Variants in ROBO1 observed in about 807,000 individuals in gnomAD.
ROBO1 encodes the protein roundabout guidance receptor 1, also known as roundabout homolog 1.
Under a neutral mutation model 195.9 loss-of-function variants are expected in ROBO1, and 149 were observed. The ratio of observed to expected loss-of-function variants is 0.76; its 90% confidence interval spans 0.67 to 0.87. ROBO1 has a LOEUF of 0.87. Ranked by LOEUF, ROBO1 falls within the 40% of genes least tolerant of loss-of-function variation. ROBO1 has a pLI of 0.00. For missense variants in ROBO1, 1,933 were observed against 2,068.3 expected, an observed-to-expected ratio of 0.93 and a Z score of 1.27; for synonymous variants, 816 against 733.2, an observed-to-expected ratio of 1.11 and a Z score of -1.82.
At chr3:78,669,748 A>G (rs1049966400) in intron 11 of ROBO1, among the ~76,000 whole-genome samples, 1 of 152,222 alleles carries the variant, frequency 6.6e-6, no homozygotes, top group African/African-American at 2.4e-5. Flanking sequence ...AAAATGATAC[A>G]GGTAAATATC....
intron 2 of ROBO1, among the ~76,000 whole-genome samples, chr3:79,560,343 T>C (rs1461946043): frequency 8.7e-6 from 1 of 115,496 alleles, no homozygotes; most frequent in African/African-American, 3.5e-5. Flanking sequence ...TTAGAACACA[T>C]GGACACAGGA....
At chr3:79,321,320 A>C (rs1421308111) in intron 2 of ROBO1, among the ~76,000 whole-genome samples, 1 of 152,178 alleles carries the variant, frequency 6.6e-6, no homozygotes, top group Non-Finnish European at 1.5e-5. Context: ...AAAATGCCTA[A>C]GTGATTAGTA....
chr3:79,033,539 A>T (rs2078331995), intron 3 of ROBO1, among the ~76,000 whole-genome samples: 1 of 152,170 alleles, frequency 6.6e-6, no homozygotes. Flanking sequence ...TACAGCAATT[A>T]ATCCACCTGG....
intron 1 of ROBO1, among the ~76,000 whole-genome samples, chr3:79,744,929 C>CAT (rs1205514152): frequency 1.3e-5 from 2 of 150,308 alleles, no homozygotes; most frequent in African/African-American, 2.5e-5. Flanking sequence ...TATATAAAAA[C>CAT]ATATATATAT....
chr3:79,500,678 G>A (rs1168321161), intron 2 of ROBO1, among the ~76,000 whole-genome samples: 1 of 152,174 alleles, frequency 6.6e-6, no homozygotes, highest in Non-Finnish European at 1.5e-5. Flanking sequence ...AAGTTGAGGA[G>A]GACAGAAAGG....
chr3:79,053,875 A>G (rs1476597645), intron 3 of ROBO1, among the ~76,000 whole-genome samples: 1 of 152,008 alleles, frequency 6.6e-6, no homozygotes, highest in South Asian at 2.1e-4. Flanking sequence ...GAACCTCCCA[A>G]CTTCCAAGGG....
chr3:78,816,770 C>G (rs571879280), intron 4 of ROBO1, among the ~76,000 whole-genome samples: 8 of 152,152 alleles, frequency 5.3e-5, no homozygotes, highest in African/African-American at 1.4e-4. Context: ...CCTGATGATG[C>G]GACTGAATTG....
intron 2 of ROBO1, among the ~76,000 whole-genome samples, chr3:79,466,695 A>G (rs528727890): frequency 1.3e-5 from 2 of 152,196 alleles, no homozygotes; most frequent in Non-Finnish European, 2.9e-5. Context: ...TGGTGGCATA[A>G]TGAGTGACTG....
chr3:79,420,588 C>A (rs183452166), intron 2 of ROBO1, among the ~76,000 whole-genome samples: 1 of 152,124 alleles, frequency 6.6e-6, no homozygotes, highest in African/African-American at 2.4e-5. Flanking sequence ...TTTGGCGATT[C>A]TCCCATGAAG....
At chr3:79,165,805 A>G (rs1183001082) in intron 2 of ROBO1, among the ~76,000 whole-genome samples, 4 of 152,218 alleles carry the variant, frequency 2.6e-5, no homozygotes, top group Non-Finnish European at 5.9e-5. Flanking sequence ...CCAACCCAAT[A>G]CTAATCTGGG....
intron 3 of ROBO1, among the ~76,000 whole-genome samples, chr3:79,055,980 A>G (rs1432358798): frequency 6.6e-6 from 1 of 152,086 alleles, no homozygotes. Flanking sequence ...GTTTCTAGTA[A>G]AAAAGAAATC....
intron 2 of ROBO1, among the ~76,000 whole-genome samples, chr3:79,465,627 T>C (rs1353001595): frequency 6.6e-6 from 1 of 152,170 alleles, no homozygotes; most frequent in East Asian, 1.9e-4. Context: ...AGTAAGATGG[T>C]TTACTAATTT....
chr3:79,582,613 T>G (rs1161523860), intron 2 of ROBO1, among the ~76,000 whole-genome samples: 1 of 152,030 alleles, frequency 6.6e-6, no homozygotes, highest in Non-Finnish European at 1.5e-5. Context: ...TTTACCACTT[T>G]TCTACTTGAA....
intron 3 of ROBO1, among the ~76,000 whole-genome samples, chr3:78,967,390 C>T (rs2076671137): frequency 6.9e-6 from 1 of 144,352 alleles, no homozygotes; most frequent in South Asian, 2.4e-4. Flanking sequence ...CCTATTCCTA[C>T]AATTCCAAGC....
chr3:79,025,882 T>G (rs898373126), intron 3 of ROBO1, among the ~76,000 whole-genome samples: 1 of 152,130 alleles, frequency 6.6e-6, no homozygotes, highest in Non-Finnish European at 1.5e-5. Context: ...GAAGACTCCT[T>G]TAGTTAGTGG....
chr3:79,368,770 G>A (rs145643999), intron 2 of ROBO1, among the ~76,000 whole-genome samples: 282 of 152,124 alleles, frequency 1.9e-3, no homozygotes, highest in African/African-American at 6.3e-3. Context: ...CCTTAAATCC[G>A]CTTGCACCTT....
At chr3:79,668,541 A>G (rs1946538614) in intron 1 of ROBO1, among the ~76,000 whole-genome samples, 1 of 151,822 alleles carries the variant, frequency 6.6e-6, no homozygotes, top group African/African-American at 2.4e-5. Flanking sequence ...CAGTCACTCA[A>G]TGCAATTCCT....
chr3:79,302,658 A>G (rs1273734291), intron 2 of ROBO1, among the ~76,000 whole-genome samples: 1 of 152,228 alleles, frequency 6.6e-6, no homozygotes, highest in African/African-American at 2.4e-5. Flanking sequence ...TTTTAAAATT[A>G]GAAATATTGC....
intron 4 of ROBO1, among the ~76,000 whole-genome samples, chr3:78,929,924 C>A (rs1260619132): frequency 6.6e-6 from 1 of 152,130 alleles, no homozygotes; most frequent in Non-Finnish European, 1.5e-5. Context: ...CTTAGAAAGA[C>A]AGCTTTACAT....
Sources: gnomAD v4.1 joint callset for allele counts (sites outside exome capture counted in the v4.1 genomes callset) on GRCh38, gnomAD v4.1.1 for gene constraint, MANE v1.5 for transcripts, NCBI Gene and HGNC (gene_info 2026-07-23, HGNC 2026-07-21) for gene names.